The following SAXO1 variants were observed in gnomAD, a reference collection of about 807,000 sequenced individuals.
SAXO1 encodes the protein stabilizer of axonemal microtubules 1, also known as 4930500O09Rik.
Under a neutral mutation model 17.5 loss-of-function variants are expected in SAXO1, and 21 were observed. The observed-to-expected ratio is 1.20, with a 90% CI of 0.85 to 1.72. SAXO1 has a LOEUF of 1.72. Among genes scored for constraint, SAXO1 ranks in the 40% most tolerant of loss-of-function variants. The pLI is 0.00. For missense variants in SAXO1, 843 were observed against 596.0 expected, an observed-to-expected ratio of 1.41 and a Z score of -4.32; for synonymous variants, 274 against 216.5, an observed-to-expected ratio of 1.27 and a Z score of -2.33.
At chr9:18,938,237 G>T (rs543356637) in intron 3 of SAXO1, among the ~76,000 whole-genome samples, 1 of 152,308 alleles carries the variant, frequency 6.6e-6, no homozygotes, top group Admixed American at 6.5e-5. Context: ...AGGGAAGTCA[G>T]CCATTATATT....
intron 1 of SAXO1, among the ~76,000 whole-genome samples, chr9:18,990,429 G>C (rs1230548479): frequency 6.6e-6 from 1 of 152,142 alleles, no homozygotes; most frequent in Admixed American, 6.5e-5. Flanking sequence ...TTCCTAGCAG[G>C]ACACCGTGGC....
chr9:18,940,720 A>C (rs1345343888), intron 3 of SAXO1, among the ~76,000 whole-genome samples: 4 of 152,250 alleles, frequency 2.6e-5, no homozygotes, highest in African/African-American at 9.6e-5. Flanking sequence ...CAGTCTTTGC[A>C]GCTGAGCTCC....
chr9:18,984,630 T>C (rs1186746600), intron 1 of SAXO1, among the ~76,000 whole-genome samples: 4 of 152,214 alleles, frequency 2.6e-5, no homozygotes, highest in Non-Finnish European at 5.9e-5. Context: ...CTCACCTCTT[T>C]CAGCCTTCAC....
At chr9:18,980,922 GT>G (rs1221088562) in intron 1 of SAXO1, among the ~76,000 whole-genome samples, 7 of 151,110 alleles carry the variant, frequency 4.6e-5, no homozygotes, top group Non-Finnish European at 8.8e-5. Flanking sequence ...TTTTTACATT[GT>G]CGGGAGATTT....
At chr9:18,950,441 C>T (rs1456253150) in intron 2 of SAXO1, among the ~76,000 whole-genome samples, 7 of 152,096 alleles carry the variant, frequency 4.6e-5, no homozygotes, top group Admixed American at 4.6e-4. Context: ...AGCAACATCC[C>T]CCACTCTTTC....
intron 1 of SAXO1, among the ~76,000 whole-genome samples, chr9:18,994,403 G>T (rs940006256): frequency 6.6e-6 from 1 of 152,200 alleles, no homozygotes; most frequent in East Asian, 1.9e-4. Context: ...TATCTGGAAA[G>T]ATTTAGGACT....
intron 1 of SAXO1, among the ~76,000 whole-genome samples, chr9:18,960,110 CG>C (rs1352418709): frequency 2.0e-5 from 3 of 152,178 alleles, no homozygotes; most frequent in Non-Finnish European, 2.9e-5. Context: ...TGGGCTCTTC[CG>C]GCCCCTCCCC....
chr9:19,027,679 C>T lies in SAXO1; in HGVS notation c.38+5192G>A. 6 of 1,358,950 alleles carry T rather than the reference C, an allele frequency of 4.4e-6. No homozygotes were observed. The Admixed American group carries it at 8.5e-5, about 19-fold the overall frequency. 84.2% of individuals were successfully genotyped at this position (1,358,950 alleles called of 1,614,324 possible). ...TGGCCAAGGAGAAAGCGCCCTCCATCATCTTCACTGATGAGCTGGATGCCA... is the reference window on the plus strand; with the variant it reads ...TGGCCAAGGAGAAAGCGCCCTCCATTATCTTCACTGATGAGCTGGATGCCA... On this transcript the variant is annotated intron_variant, in intron 1 of 3. Coordinates refer to ENST00000380534, the MANE Select transcript of SAXO1 (RefSeq NM_153707.4).
chr9:18,979,935 A>T, intron 1 of SAXO1, among the ~76,000 whole-genome samples: 1 of 152,186 alleles, frequency 6.6e-6, no homozygotes, highest in East Asian at 1.9e-4. Flanking sequence ...AAAAAGAGAA[A>T]ATAAAGAGTT....
intron 1 of SAXO1, among the ~76,000 whole-genome samples, chr9:19,022,472 C>T (rs10511668): frequency 0.35 from 53,190 of 152,054 alleles, 10,597 homozygotes; most frequent in Non-Finnish European, 0.44. Context: ...ACAGGGTATT[C>T]AATTGACTCT....
chr9:18,946,279 C>CAAAAAA (rs56858815), intron 2 of SAXO1, among the ~76,000 whole-genome samples: 3 of 34,482 alleles, frequency 8.7e-5, no homozygotes, highest in Non-Finnish European at 1.5e-4. Flanking sequence ...TTCATCTCAC[C>CAAAAAA]AAAAAAAAAA....
At chr9:19,034,655 T>G (rs1319776018), upstream of SAXO1, among the ~76,000 whole-genome samples, 1 of 151,960 alleles carries the variant, frequency 6.6e-6, no homozygotes, top group Non-Finnish European at 1.5e-5. Context: ...TTAAGAACAG[T>G]GGGGTGGGAA....
intron 2 of SAXO1, among the ~76,000 whole-genome samples, chr9:18,943,596 G>C (rs1831669225): frequency 6.6e-6 from 1 of 152,200 alleles, no homozygotes; most frequent in East Asian, 1.9e-4. Context: ...CATTCTAAAG[G>C]GAGTGCTCCC....
chr9:18,975,545 T>C (rs1225882982), intron 1 of SAXO1, among the ~76,000 whole-genome samples: 3 of 152,232 alleles, frequency 2.0e-5, no homozygotes, highest in Non-Finnish European at 4.4e-5. Flanking sequence ...GTGGCAGTTA[T>C]GATTTGCACT....
upstream of SAXO1, among the ~76,000 whole-genome samples, chr9:19,035,970 G>C (rs1835924170): frequency 6.6e-6 from 1 of 152,060 alleles, no homozygotes; most frequent in Non-Finnish European, 1.5e-5. Flanking sequence ...CAATGCAATA[G>C]AAAAGAAAAA....
At chr9:18,986,483 A>T (rs191646461) in intron 1 of SAXO1, among the ~76,000 whole-genome samples, 25 of 152,344 alleles carry the variant, frequency 1.6e-4, no homozygotes, top group Admixed American at 1.0e-3. Context: ...ACACAATTTT[A>T]AAACAAACCA....
At position 19,049,024 on chromosome 9, in the gene SAXO1, G is replaced by A. The variant is rs1836287381; in HGVS notation, c.-158+185C>T. Among the ~76,000 whole-genome samples the A allele has an allele frequency of 6.6e-6, 1 of 152,342 alleles. No individual in the cohort carries two copies. Among genetic ancestry groups the A allele is most frequent in the East Asian group, 1.9e-4 (1 of 5,172 alleles). ...GCCCTGCCCTTGTACTCACTGGGCCGGGCAAGCTGGGGAGGCCTAAGCGGA... is the reference window on the plus strand; with the variant it reads ...GCCCTGCCCTTGTACTCACTGGGCCAGGCAAGCTGGGGAGGCCTAAGCGGA... On this transcript the variant is annotated intron_variant, in intron 1 of 3. Transcript: ENST00000542071. This position sits in a 1 kb window ranked among gnomAD's most constrained non-coding sequence, Gnocchi z 5.4.
chr9:18,958,418 C>T (rs139914863), intron 1 of SAXO1, among the ~76,000 whole-genome samples: 4 of 152,026 alleles, frequency 2.6e-5, no homozygotes, highest in Non-Finnish European at 5.9e-5. Context: ...AGGGAGACTC[C>T]GTCTGAGAAA....
At position 18,928,930 on chromosome 9, in the gene SAXO1, C is replaced by T; in HGVS notation, c.547G>A (p.Val183Met). The T allele has an allele frequency of 6.2e-7, 1 of 1,614,194 alleles. No homozygotes were observed. The highest frequency in any genetic ancestry group is 8.5e-7 in the Non-Finnish European group (1 of 1,180,042). The change falls in exon 4 of 4, where the codon GTG becomes ATG. Residue 183 changes from valine to methionine, a missense_variant. Val to Met is a conservative substitution (Grantham distance 21). Coordinates refer to ENST00000380534, the MANE Select transcript of SAXO1 (RefSeq NM_153707.4). ...HQDDYPIKGL[V>M]KTISCKPLAM... is the part of the protein sequence containing the mutation. Reference sequence around the variant, plus strand: ...AGAGGTTTACAGCTTATGGTCTTCACAAGGCCTTTTATGGGGTAATCGTCC... The same window carrying T: ...AGAGGTTTACAGCTTATGGTCTTCATAAGGCCTTTTATGGGGTAATCGTCC...
Sources: gnomAD v4.1 joint callset for allele counts (sites outside exome capture counted in the v4.1 genomes callset) on GRCh38, gnomAD v4.1.1 for gene constraint, Gnocchi (gnomAD v3.1) non-coding constraint, MANE v1.5 for transcripts, NCBI Gene and HGNC (gene_info 2026-07-23, HGNC 2026-07-21) for gene names.